NRBP1: variants seen among roughly 807,000 people sequenced by gnomAD.
NRBP1 encodes nuclear receptor-binding protein.
NRBP1 carries 10 observed loss-of-function variants against 76.0 expected under a neutral mutation model. The ratio of observed to expected loss-of-function variants is 0.13; its 90% CI spans 0.08 to 0.22. The LOEUF is 0.22. Among genes scored for constraint, NRBP1 ranks in the 10% least tolerant of loss-of-function variants. The pLI is 1.00. For synonymous variants in NRBP1, 235 were observed against 240.2 expected (o/e 0.98, Z 0.20); for missense variants, 344 against 646.0 (o/e 0.53, Z 5.07).
chr2:27,430,469 C>CTTTTTTTTTTTTT (rs977927783), intron 1 of NRBP1, among the ~76,000 whole-genome samples: 2 of 138,686 alleles, frequency 1.4e-5, no homozygotes, highest in East Asian at 2.1e-4. Flanking sequence ...TTCTTTTTTT[C>CTTTTTTTTTTTTT]TTTTTTTTTT....
intron 1 of NRBP1, among the ~76,000 whole-genome samples, chr2:27,429,855 A>G (rs1192875881): frequency 6.6e-6 from 1 of 152,176 alleles, no homozygotes; most frequent in Non-Finnish European, 1.5e-5. Flanking sequence ...CCCATTGGCT[A>G]CAGCTTTCCT....
Position 27,441,447 on chromosome 2 carries a change from A to G in NRBP1, c.1447+117A>G, listed in dbSNP as rs951544260. ...ACACATTGACTCACATAGAATGACTATCTTAGACCCTAAAGCAGTGGGTGG... is the reference window on the plus strand; with the variant it reads ...ACACATTGACTCACATAGAATGACTGTCTTAGACCCTAAAGCAGTGGGTGG... On this transcript the variant is annotated intron_variant, in intron 16 of 17. Coordinates refer to ENST00000379852, the MANE Select transcript of NRBP1 (RefSeq NM_013392.4). 8.4e-6 allele frequency: 12 copies of G among 1,429,590 alleles called. No homozygotes were observed. In the South Asian group the frequency reaches 9.2e-5, roughly 11 times the overall value. 88.6% of individuals were successfully genotyped at this position (1,429,590 alleles called of 1,614,324 possible). A position where few individuals can be genotyped will look rare whatever the true frequency, so the allele number is the denominator to read the frequency against.
intron 1 of NRBP1, chr2:27,431,931 C>G (rs1664130812): frequency 6.6e-6 from 1 of 152,286 alleles, no homozygotes; most frequent in Admixed American, 6.5e-5. Flanking sequence ...TCACTGCAAC[C>G]TCTGCCTCCC....
chr2:27,440,248 A>C (rs780806975), intron 11 of NRBP1, 155 bp from the exon 12 acceptor site: 25 of 622,824 alleles, frequency 4.0e-5, no homozygotes, highest in Non-Finnish European at 7.2e-5. Flanking sequence ...GCGTCAAGTG[A>C]TCTGTCCGCC....
intron 7 of NRBP1, chr2:27,436,171 C>T: frequency 3.7e-6 from 1 of 270,732 alleles, no homozygotes; most frequent in Non-Finnish European, 7.2e-6. Flanking sequence ...AAAAGTGGAA[C>T]AGATTCAAGG....
chr2:27,437,387 C>T (rs553585055), intron 10 of NRBP1, 27 bp downstream of exon 10: 75 of 1,505,236 alleles, frequency 5.0e-5, no homozygotes, highest in East Asian at 5.0e-4. Flanking sequence ...TCACTCCCTC[C>T]TCAACTGACC....
intron 1 of NRBP1, among the ~76,000 whole-genome samples, chr2:27,430,034 G>C (rs988294476): frequency 3.9e-5 from 6 of 152,200 alleles, no homozygotes; most frequent in Non-Finnish European, 5.9e-5. Context: ...TCTAACAGAA[G>C]TTTTCTGGTA....
At chr2:27,436,926 C>T in intron 8 of NRBP1, 90 bp downstream of exon 8, 1 of 1,447,702 alleles carries the variant, frequency 6.9e-7, no homozygotes, top group Non-Finnish European at 9.6e-7. Context: ...ACTGAAACTT[C>T]TAGGCCTTCT....
intron 10 of NRBP1, 101 bp downstream of exon 10, chr2:27,437,461 A>C: frequency 1.2e-6 from 1 of 830,240 alleles, no homozygotes. Flanking sequence ...AGAGCTAGGG[A>C]ACATAACAGA....
chr2:27,440,360 C>T, intron 11 of NRBP1, 43 bp from the exon 12 acceptor site: 1 of 1,334,764 alleles, frequency 7.5e-7, no homozygotes, highest in Non-Finnish European at 1.1e-6. Flanking sequence ...GACATTTAAT[C>T]TGACTATCCC....
At chr2:27,435,285 G>A (rs1163821968) in intron 7 of NRBP1, 58 bp downstream of exon 7, 10 of 1,468,242 alleles carry the variant, frequency 6.8e-6, no homozygotes, top group African/African-American at 4.2e-5. Flanking sequence ...AACCATGGGG[G>A]TAAGATGAAA....
chr2:27,438,979 A>G (rs764661600), intron 10 of NRBP1, among the ~76,000 whole-genome samples: 3 of 152,030 alleles, frequency 2.0e-5, no homozygotes, highest in Non-Finnish European at 4.4e-5. Context: ...AAGAAAGAAA[A>G]TAAGGCAGAA....
In NRBP1 at chr2:27,437,123, G is replaced by C; in HGVS notation, c.804+18G>C. Reference sequence around the variant, plus strand: ...CACTGGAGGTGAGGGGACTGGAGGGGAGGGGGGAAAGGGGTCAGATGAGAA... The same window carrying C: ...CACTGGAGGTGAGGGGACTGGAGGGCAGGGGGGAAAGGGGTCAGATGAGAA... On this transcript the variant is annotated intron_variant, in intron 9 of 17. Transcript: ENST00000379852. The C allele has an allele frequency of 1.2e-6, 2 of 1,611,660 alleles. No individual in the cohort carries two copies. The highest frequency in any genetic ancestry group is 1.7e-6 in the Non-Finnish European group (2 of 1,177,772).
chr2:27,428,745 G>C lies in NRBP1; in HGVS notation c.-21+14G>C, dbSNP rs1057178491. On this transcript the variant is annotated intron_variant, in intron 1 of 17. Coordinates refer to ENST00000379852, the MANE Select transcript of NRBP1 (RefSeq NM_013392.4). ...CGGAGTCGGGAGGTGAGCGCCCAGG[G>C]AAAAGAGGGCCCGGGAGGGAGGGGT... The C allele has an allele frequency of 2.5e-6, 1 of 397,834 alleles. No individual in the cohort carries two copies. Among genetic ancestry groups the C allele is most frequent in the Non-Finnish European group, 4.4e-6 (1 of 225,668 alleles). The allele number at this position is 397,834 out of a possible 1,614,324, so 24.6% of individuals were successfully genotyped here. A position where few individuals can be genotyped will look rare whatever the true frequency, so the allele number is the denominator to read the frequency against.
chr2:27,434,391 C>T, intron 4 of NRBP1, 80 bp from the exon 5 acceptor site: 1 of 1,055,248 alleles, frequency 9.5e-7, no homozygotes. Context: ...TTTTAACAAA[C>T]CTTCAAATTT....
intron 1 of NRBP1, 27 bp downstream of exon 1, chr2:27,428,758 G>A (rs1315720958): frequency 1.5e-5 from 6 of 397,808 alleles, no homozygotes; most frequent in Non-Finnish European, 2.2e-5. Context: ...AAGAGGGCCC[G>A]GGAGGGAGGG....
chr2:27,441,475 C>T (rs1227294386), intron 16 of NRBP1, 92 bp from the exon 17 acceptor site: 35 of 1,485,140 alleles, frequency 2.4e-5, no homozygotes, highest in Non-Finnish European at 2.9e-5. Flanking sequence ...GTGGGTGGAT[C>T]TGACTGACAG....
chr2:27,441,532 C>A (rs376109821), intron 16 of NRBP1, 35 bp from the exon 17 acceptor site: 4 of 1,611,728 alleles, frequency 2.5e-6, no homozygotes, highest in African/African-American at 2.7e-5. Flanking sequence ...CCCTCAGTCC[C>A]GTACTGTACT....
Position 27,441,718 on chromosome 2 carries a change from G to T in NRBP1, c.1514G>T (p.Ser505Ile), listed in dbSNP as rs1381091916. 23 of 1,613,942 alleles carry T rather than the reference G, an allele frequency of 1.4e-5. No homozygotes were observed. The highest frequency in any genetic ancestry group is 1.9e-5 in the Non-Finnish European group (22 of 1,179,886). Reference protein sequence around the residue: ...QLGFISEADQSRLTSLLEETL... With the variant: ...QLGFISEADQIRLTSLLEETL... ...GCTCTTCTCCCCCAGGCTGACCAGAGCCGGTTGACTTCTCTGCTAGAAGAG... is the reference window on the plus strand; with the variant it reads ...GCTCTTCTCCCCCAGGCTGACCAGATCCGGTTGACTTCTCTGCTAGAAGAG... The change falls in exon 18 of 18, where the codon AGC becomes ATC. Residue 505 changes from serine (S) to isoleucine (I), a missense_variant. Transcript: ENST00000379852.
Sources: allele counts gnomAD v4.1 joint callset (sites outside exome capture counted in the v4.1 genomes callset), GRCh38; gene constraint gnomAD v4.1.1; transcripts MANE v1.5; gene names NCBI Gene and HGNC (gene_info 2026-07-23, HGNC 2026-07-21).